The following RERE variants were observed in gnomAD, a reference collection of about 807,000 sequenced individuals.
The protein encoded by RERE is arginine-glutamic acid dipeptide repeats.
Under a neutral mutation model 146.1 loss-of-function variants are expected in RERE, and 40 were observed. That is an observed-to-expected ratio of 0.27 (90% CI 0.21 to 0.36). The LOEUF (loss-of-function observed/expected upper bound fraction) is 0.36. Ranked by LOEUF, RERE falls within the 10% of genes least tolerant of loss-of-function variation. RERE has a pLI of 1.00. For missense variants in RERE, 1,933 were observed against 2,138.7 expected, an observed-to-expected ratio of 0.90 and a Z score of 1.90; for synonymous variants, 1,003 against 866.0, an observed-to-expected ratio of 1.16 and a Z score of -2.78.
At chr1:8,400,711 A>G (rs548591381) in intron 12 of RERE, among the ~76,000 whole-genome samples, 2 of 151,776 alleles carry the variant, frequency 1.3e-5, no homozygotes, top group African/African-American at 4.8e-5. Context: ...ACCATTAAAT[A>G]TGATGCATAG....
At chr1:8,417,651 C>T (rs1570190784) in intron 12 of RERE, among the ~76,000 whole-genome samples, 1 of 152,218 alleles carries the variant, frequency 6.6e-6, no homozygotes, top group East Asian at 1.9e-4. Context: ...TGGTCCCATC[C>T]TATACATACT....
At chr1:8,514,915 A>G (rs1337790033) in intron 7 of RERE, among the ~76,000 whole-genome samples, 1 of 152,234 alleles carries the variant, frequency 6.6e-6, no homozygotes, top group African/African-American at 2.4e-5. Flanking sequence ...TCTTTGATGA[A>G]TAACAACAGT....
At chr1:8,615,788 A>T (rs1646845805) in intron 3 of RERE, among the ~76,000 whole-genome samples, 1 of 151,444 alleles carries the variant, frequency 6.6e-6, no homozygotes, top group Non-Finnish European at 1.5e-5. Flanking sequence ...ACACATAGAC[A>T]CACACACACA....
Position 8,669,108 on chromosome 1 carries a change from A to G in RERE, c.-144-12667T>C, listed in dbSNP as rs144951809. ...TTTTAAGACAGGGTCTCACTCTGTC[A>G]CCCAGGCTGGAGTGCAGTGGCATGC... is the stretch of plus-strand genomic sequence containing the variant. On this transcript the variant is annotated intron_variant, in intron 1 of 22. Coordinates refer to ENST00000400908, the MANE Select transcript of RERE (RefSeq NM_001042681.2). Among the ~76,000 whole-genome samples, 487 of 139,724 alleles carry G rather than the reference A, an allele frequency of 3.5e-3. 16 individuals are homozygous for G. Among genetic ancestry groups the G allele is most frequent in the African/African-American group, 0.013 (461 of 35,298 alleles). 91.7% of individuals were successfully genotyped at this position (139,724 alleles called of 152,430 possible).
intron 1 of RERE, among the ~76,000 whole-genome samples, chr1:8,790,246 ACG>A (rs1641339983): frequency 6.6e-6 from 1 of 152,190 alleles, no homozygotes; most frequent in South Asian, 2.1e-4. Flanking sequence ...ATGTACTGAA[ACG>A]CGAGATAGTT....
intron 12 of RERE, among the ~76,000 whole-genome samples, chr1:8,382,385 C>T (rs184710538): frequency 6.6e-6 from 1 of 152,270 alleles, no homozygotes; most frequent in Non-Finnish European, 1.5e-5. Flanking sequence ...TCTCAGCTGC[C>T]TCCACATGAA....
chr1:8,423,764 C>A lies in RERE; in HGVS notation c.1204-957G>T. 1 of 864,194 alleles carries A rather than the reference C, an allele frequency of 1.2e-6. No homozygotes were observed. Among genetic ancestry groups the A allele is most frequent in the Non-Finnish European group, 1.4e-6 (1 of 722,498 alleles). The allele number at this position is 864,194 out of a possible 1,614,324, so 53.5% of individuals were successfully genotyped here. A position where few individuals can be genotyped will look rare whatever the true frequency, so the allele number is the denominator to read the frequency against. On this transcript the variant is annotated intron_variant, in intron 11 of 22. Transcript: ENST00000400908. The surrounding 1 kb of genome is among the most constrained non-coding windows in gnomAD (Gnocchi z 5.4). ...CCGGGGGGCGCGGGGCTGGGGCCGC[C>A]GCTGACGGGGGAGGAGGCAGGAGCG...
intron 12 of RERE, among the ~76,000 whole-genome samples, chr1:8,376,349 C>A (rs1642254001): frequency 6.6e-6 from 1 of 152,150 alleles, no homozygotes; most frequent in African/African-American, 2.4e-5. Context: ...GGGTAGAGCC[C>A]CCATCCCAGC....
intron 8 of RERE, among the ~76,000 whole-genome samples, chr1:8,501,429 G>A (rs1463405873): frequency 1.5e-5 from 1 of 64,864 alleles, no homozygotes; most frequent in Non-Finnish European, 2.9e-5. Flanking sequence ...GGAGGTGAGG[G>A]GCGCCTCTGC....
At chr1:8,772,595 T>C (rs922966375) in intron 1 of RERE, among the ~76,000 whole-genome samples, 8 of 151,906 alleles carry the variant, frequency 5.3e-5, no homozygotes, top group African/African-American at 1.9e-4. Context: ...GCCAACATGG[T>C]GAAACCCCAT....
intron 12 of RERE, among the ~76,000 whole-genome samples, chr1:8,417,245 G>T (rs949583199): frequency 6.6e-6 from 1 of 152,180 alleles, no homozygotes; most frequent in African/African-American, 2.4e-5. Flanking sequence ...TGATTACTCA[G>T]TCTTAAAGCC....
intron 7 of RERE, among the ~76,000 whole-genome samples, chr1:8,531,007 TTCTATCTATCTATCTATCTATCTATCTA>T (rs199738689): frequency 1.5e-3 from 208 of 140,352 alleles, no homozygotes; most frequent in African/African-American, 3.7e-3. Flanking sequence ...GAACTGAGTT[TTCTATCTATCTATCTATCTATCTATCTA>T]TCTATCTATC....
At chr1:8,795,544 A>G (rs1196882775) in intron 1 of RERE, among the ~76,000 whole-genome samples, 4 of 152,180 alleles carry the variant, frequency 2.6e-5, no homozygotes, top group African/African-American at 4.8e-5. Flanking sequence ...CAGCTAAGGA[A>G]GTAGGGCACA....
In RERE at chr1:8,480,590, C is replaced by T. The variant is rs565897442; in HGVS notation, c.1104+14473G>A. ...AGCTGGAATTACAGGCATGCACCAC[C>T]ATACTTGGCTAATTTTTGTATTTTT... On this transcript the variant is annotated intron_variant, in intron 10 of 22. Transcript: ENST00000400908. Among the ~76,000 whole-genome samples the T allele has an allele frequency of 2.0e-5, 3 of 151,916 alleles. No homozygotes were observed. The South Asian group carries it at 6.2e-4, about 32-fold the overall frequency.
intron 10 of RERE, among the ~76,000 whole-genome samples, chr1:8,466,351 T>C (rs1644596771): frequency 6.6e-6 from 1 of 152,190 alleles, no homozygotes; most frequent in Admixed American, 6.5e-5. Flanking sequence ...ATGCAATCAT[T>C]ATCTTACTTA....
intron 1 of RERE, among the ~76,000 whole-genome samples, chr1:8,678,283 T>C (rs1467585693): frequency 6.6e-6 from 1 of 152,148 alleles, no homozygotes; most frequent in African/African-American, 2.4e-5. Flanking sequence ...AAAAACAATA[T>C]GGTTTTCATT....
Position 8,750,897 on chromosome 1 carries a change from A to G in RERE, c.-145+66263T>C, listed in dbSNP as rs895556314. On this transcript the variant is annotated intron_variant, in intron 1 of 22. Coordinates refer to ENST00000400908, the MANE Select transcript of RERE (RefSeq NM_001042681.2). ...TCAGTAAATGAACTAATCTACAAGC[A>G]TAGTTATGGCAAAATCAATAAGCAA... The G allele has an allele frequency of 2.5e-5, 21 of 832,098 alleles. No homozygotes were observed. In the East Asian group the frequency reaches 2.7e-4, roughly 11 times the overall value. The allele number at this position is 832,098 out of a possible 1,614,324, so 51.5% of individuals were successfully genotyped here.
intron 1 of RERE, among the ~76,000 whole-genome samples, chr1:8,816,689 T>C (rs910819111): frequency 1.3e-5 from 2 of 152,164 alleles, no homozygotes; most frequent in African/African-American, 4.8e-5. Context: ...GGTTTCATAA[T>C]TTTCTAATCA....
Position 8,800,195 on chromosome 1 carries a change from CCTGCAGTGAGCCATGATCA to C in RERE, c.-145+16946_-145+16964del, listed in dbSNP as rs1442589937. On this transcript the variant is annotated intron_variant, in intron 1 of 22. Transcript: ENST00000400908. ...CAGGGAAGCCAAAAGATTGGACACC[CCTGCAGTGAGCCATGATCA>C]CACCACTGCACTCCAGCATGGGCTA... Among the ~76,000 whole-genome samples, 4 of 151,192 alleles carry C rather than the reference CCTGCAGTGAGCCATGATCA, an allele frequency of 2.6e-5. No homozygotes were observed. The East Asian group carries it at 7.8e-4, about 30-fold the overall frequency.
Sources: allele counts gnomAD v4.1 joint callset (sites outside exome capture counted in the v4.1 genomes callset), GRCh38; gene constraint gnomAD v4.1.1; non-coding constraint Gnocchi (gnomAD v3.1); transcripts MANE v1.5; gene names NCBI Gene and HGNC (gene_info 2026-07-23, HGNC 2026-07-21).